KCNIP4: variants seen among roughly 807,000 people sequenced by gnomAD.
KCNIP4 encodes the protein Kv channel-interacting protein 4.
A neutral mutation model predicts 34.0 loss-of-function variants in KCNIP4; 12 were observed. The observed-to-expected ratio is 0.35, with a 90% CI of 0.23 to 0.57. The LOEUF is 0.57. Among genes scored for constraint, KCNIP4 ranks in the 20% least tolerant of loss-of-function variants. The pLI is 0.83. For synonymous variants in KCNIP4, 124 were observed against 102.2 expected (o/e 1.21, Z -1.29); for missense variants, 238 against 311.7 (o/e 0.76, Z 1.78).
At chr4:21,152,358 T>C (rs376997570) in intron 1 of KCNIP4, among the ~76,000 whole-genome samples, 2 of 152,182 alleles carry the variant, frequency 1.3e-5, no homozygotes, top group Non-Finnish European at 2.9e-5. Flanking sequence ...ATCTAATGTG[T>C]CTATATTCAC....
At chr4:21,743,356 G>A (rs1716549330) in intron 1 of KCNIP4, among the ~76,000 whole-genome samples, 1 of 150,932 alleles carries the variant, frequency 6.6e-6, no homozygotes, top group Non-Finnish European at 1.5e-5. Flanking sequence ...AGCAATGTCT[G>A]GTATAGTCTT....
In KCNIP4 at chr4:21,381,665, T is replaced by C. The variant is rs368903296; in HGVS notation, c.62-498956A>G. ...TTTAAAAGCCAACTTGGGCTTCATA[T>C]CTTGCCAAAGATTACCTATTTATAA... On this transcript the variant is annotated intron_variant, in intron 1 of 8. Transcript: ENST00000382152. Among the ~76,000 whole-genome samples the C allele has an allele frequency of 1.4e-4, 21 of 152,324 alleles. No homozygotes were observed. In the East Asian group the frequency reaches 3.7e-3, roughly 27 times the overall value.
chr4:21,201,241 C>T (rs1223441117), intron 1 of KCNIP4, among the ~76,000 whole-genome samples: 1 of 152,100 alleles, frequency 6.6e-6, no homozygotes, highest in African/African-American at 2.4e-5. Flanking sequence ...AACTGAGGCA[C>T]TAGTGTGGCA....
intron 1 of KCNIP4, among the ~76,000 whole-genome samples, chr4:21,427,158 A>T (rs1726005039): frequency 6.6e-6 from 1 of 152,170 alleles, no homozygotes; most frequent in South Asian, 2.1e-4. Context: ...CAGTGATGTT[A>T]TGCTAGGAAA....
intron 3 of KCNIP4, among the ~76,000 whole-genome samples, chr4:20,775,408 TAAC>T (rs1316648316): frequency 6.6e-6 from 1 of 151,866 alleles, no homozygotes; most frequent in Non-Finnish European, 1.5e-5. Flanking sequence ...TGATTAATAA[TAAC>T]GAGTCCAGGC....
chr4:21,448,718 T>A (rs529507345), intron 1 of KCNIP4, among the ~76,000 whole-genome samples: 2 of 152,232 alleles, frequency 1.3e-5, no homozygotes, highest in African/African-American at 4.8e-5. Context: ...AGGGACATCC[T>A]TTTTACTTCT....
intron 1 of KCNIP4, among the ~76,000 whole-genome samples, chr4:21,466,764 A>AACAT (rs1337756793): frequency 6.6e-6 from 1 of 152,112 alleles, no homozygotes; most frequent in Non-Finnish European, 1.5e-5. Context: ...ATAGAAAATC[A>AACAT]ACATACTTTA....
chr4:21,138,639 T>C (rs575567850), intron 1 of KCNIP4, among the ~76,000 whole-genome samples: 1 of 152,206 alleles, frequency 6.6e-6, no homozygotes. Context: ...AGATGTTAAC[T>C]TACATACTAA....
chr4:21,917,287 G>A (rs749396684), intron 1 of KCNIP4, among the ~76,000 whole-genome samples: 10 of 151,720 alleles, frequency 6.6e-5, no homozygotes, highest in Admixed American at 3.3e-4. Flanking sequence ...GGCATACACC[G>A]CCACACCCAG....
At chr4:21,089,796 T>A (rs998026154) in intron 1 of KCNIP4, among the ~76,000 whole-genome samples, 1 of 152,154 alleles carries the variant, frequency 6.6e-6, no homozygotes, top group Non-Finnish European at 1.5e-5. Context: ...AACCCCCAGC[T>A]TCTTTACATT....
intron 1 of KCNIP4, among the ~76,000 whole-genome samples, chr4:21,659,008 T>C (rs1748208087): frequency 6.6e-6 from 1 of 152,224 alleles, no homozygotes; most frequent in Non-Finnish European, 1.5e-5. Flanking sequence ...TCAAAGTCTC[T>C]CTCAACAATA....
At chr4:21,469,991 C>A (rs1313373654) in intron 1 of KCNIP4, among the ~76,000 whole-genome samples, 1 of 152,100 alleles carries the variant, frequency 6.6e-6, no homozygotes, top group Non-Finnish European at 1.5e-5. Flanking sequence ...CTGTTAACTA[C>A]GCCACAATTG....
chr4:21,246,285 T>A (rs1760198876), intron 1 of KCNIP4, among the ~76,000 whole-genome samples: 1 of 152,146 alleles, frequency 6.6e-6, no homozygotes, highest in Non-Finnish European at 1.5e-5. Context: ...AACTAGCTTC[T>A]CTCTCTCCTG....
chr4:21,593,509 C>G (rs1875783), intron 1 of KCNIP4, among the ~76,000 whole-genome samples: 2 of 151,968 alleles, frequency 1.3e-5, no homozygotes, highest in South Asian at 4.1e-4. Flanking sequence ...ACTGTGGTCC[C>G]CGGACCTGGC....
intron 1 of KCNIP4, among the ~76,000 whole-genome samples, chr4:21,302,874 CATTTATAATGT>C (rs1244013011): frequency 1.3e-5 from 2 of 152,140 alleles, no homozygotes; most frequent in African/African-American, 4.8e-5. Flanking sequence ...GATGTAAATA[CATTTATAATGT>C]ATTTTCCTTT....
intron 1 of KCNIP4, among the ~76,000 whole-genome samples, chr4:21,448,639 C>CA (rs1419174950): frequency 2.0e-5 from 3 of 152,028 alleles, no homozygotes; most frequent in Non-Finnish European, 2.9e-5. Context: ...ACCCAATATA[C>CA]AAAAAATGCT....
At chr4:20,885,164 C>T (rs1310128982) in intron 1 of KCNIP4, among the ~76,000 whole-genome samples, 1 of 149,738 alleles carries the variant, frequency 6.7e-6, no homozygotes, top group African/African-American at 2.5e-5. Context: ...TGGCCCTTCC[C>T]CAAAACTAAA....
At chr4:21,210,271 T>C (rs533740599) in intron 1 of KCNIP4, among the ~76,000 whole-genome samples, 1 of 152,346 alleles carries the variant, frequency 6.6e-6, no homozygotes, top group East Asian at 1.9e-4. Flanking sequence ...CTGCTGTGGT[T>C]ATTAAACTGC....
chr4:21,604,974 GA>G (rs1743518885), intron 1 of KCNIP4, among the ~76,000 whole-genome samples: 5 of 152,178 alleles, frequency 3.3e-5, no homozygotes, highest in Admixed American at 3.3e-4. Flanking sequence ...TTAGTCTAGT[GA>G]AAGTGTTGTT....
Sources: gnomAD v4.1 joint callset for allele counts (sites outside exome capture counted in the v4.1 genomes callset) on GRCh38, gnomAD v4.1.1 for gene constraint, MANE v1.5 for transcripts, NCBI Gene and HGNC (gene_info 2026-07-23, HGNC 2026-07-21) for gene names.